Variants in SF3B3 observed in about 807,000 individuals in gnomAD.
SF3B3 encodes SAP 130.
In SF3B3, 33 loss-of-function variants were observed where a neutral mutation model predicts 139.2. That is an observed-to-expected ratio of 0.24 (90% confidence interval 0.18 to 0.32). The LOEUF (loss-of-function observed/expected upper bound fraction) is 0.32, where lower values mean the gene tolerates loss of function less well. Ranked by LOEUF, SF3B3 falls within the 10% of genes least tolerant of loss-of-function variation. SF3B3 has a pLI of 1.00. For synonymous variants in SF3B3, 596 were observed against 563.6 expected (o/e 1.06, Z -0.81); for missense variants, 818 against 1,509.4 (o/e 0.54, Z 7.59).
In SF3B3 at chr16:70,567,478, A is replaced by G; in HGVS notation, c.2894A>G (p.Lys965Arg). The G allele has an allele frequency of 6.2e-7, 1 of 1,613,990 alleles. No individual in the cohort carries two copies. Among genetic ancestry groups the G allele is most frequent in the South Asian group, 1.1e-5 (1 of 91,064 alleles). The change falls in exon 21 of 26, where the codon AAG (lysine) becomes AGG (arginine). Residue 965 changes from lysine (K) to arginine (R), a missense_variant. Coordinates refer to ENST00000302516, the MANE Select transcript of SF3B3 (RefSeq NM_012426.5). The stretch of plus-strand genomic sequence containing the variant: ...GGGAGGGTGTTGATTGGTGTGGGGA[A>G]GCTGTTGCGTGTCTATGACCTGGGA... The part of the protein sequence containing the change: ...FQGRVLIGVG[K>R]LLRVYDLGKK...
chr16:70,554,696 TC>T, intron 12 of SF3B3, 99 bp downstream of exon 12: 1 of 1,247,690 alleles, frequency 8.0e-7, no homozygotes, highest in Non-Finnish European at 1.1e-6. Flanking sequence ...ACCCTCACCT[TC>T]CAGCAAGCCT....
chr16:70,554,467 T>C lies in SF3B3; in HGVS notation c.1424T>C (p.Ile475Thr). 6.2e-7 allele frequency: 1 copy of C among 1,614,232 alleles called. No individual in the cohort carries two copies. The highest frequency in any genetic ancestry group is 1.1e-5 in the South Asian group (1 of 91,082). The change falls in exon 12 of 26, where the codon ATT (isoleucine) becomes ACT (threonine). Residue 475 changes from isoleucine to threonine, a missense_variant. Physicochemically the swap from Ile to Thr is moderately conservative, Grantham distance 89. Around this residue, in one of 14 missense-constraint regions of SF3B3, gnomAD observed 31 missense variants for 77.3 expected, o/e 0.40. Transcript: ENST00000302516. ...TCAGATGAGTTTGATGCCTACATCATTGTGTCTTTCGTGAATGCCACCCTA... is the reference window on the plus strand; with the variant it reads ...TCAGATGAGTTTGATGCCTACATCACTGTGTCTTTCGTGAATGCCACCCTA... ...HIEDEFDAYI[I>T]VSFVNATLVL... is the part of the protein sequence containing the mutation.
chr16:70,542,681 G>A (rs2050230406), intron 9 of SF3B3, among the ~76,000 whole-genome samples: 1 of 151,736 alleles, frequency 6.6e-6, no homozygotes, highest in South Asian at 2.1e-4. Flanking sequence ...AGTCTTGAGG[G>A]CAACAGAAAA....
chr16:70,538,798 TG>T (rs751036141), intron 7 of SF3B3, among the ~76,000 whole-genome samples: 4 of 152,232 alleles, frequency 2.6e-5, no homozygotes, highest in Non-Finnish European at 5.9e-5. Context: ...TGTGAGTTGT[TG>T]GGCAATTTCT....
At chr16:70,554,876 A>G (rs1055640865) in intron 12 of SF3B3, among the ~76,000 whole-genome samples, 175 bp from the exon 13 acceptor site, 1 of 152,212 alleles carries the variant, frequency 6.6e-6, no homozygotes, top group Admixed American at 6.5e-5. Flanking sequence ...AACATGAACT[A>G]TTTAAAAGTT....
chr16:70,524,338 A>G (rs1387365995), intron 1 of SF3B3, among the ~76,000 whole-genome samples: 1 of 152,098 alleles, frequency 6.6e-6, no homozygotes, highest in African/African-American at 2.4e-5. Context: ...TTGAATTTGT[A>G]TTTTGGTAGT....
chr16:70,543,022 C>A (rs2050234405), intron 9 of SF3B3, among the ~76,000 whole-genome samples: 2 of 152,100 alleles, frequency 1.3e-5, no homozygotes, highest in Admixed American at 1.3e-4. Context: ...CACGCCCGGC[C>A]AAGTGTGACT....
At chr16:70,538,982 G>T in intron 7 of SF3B3, 122 bp from the exon 8 acceptor site, 1 of 739,738 alleles carries the variant, frequency 1.4e-6, no homozygotes, top group Non-Finnish European at 2.4e-6. Context: ...ATGAGCCGGA[G>T]TTTGTTGACC....
In SF3B3 at chr16:70,556,881, C is replaced by G; in HGVS notation, c.1867-5C>G. The G allele has an allele frequency of 6.2e-7, 1 of 1,614,068 alleles. No homozygotes were observed. Among genetic ancestry groups the G allele is most frequent in the Non-Finnish European group, 8.5e-7 (1 of 1,179,976 alleles). On this transcript the variant is annotated splice_region_variant and splice_polypyrimidine_tract_variant and intron_variant, in intron 14 of 25. Transcript: ENST00000302516. ...GTGTTTTTATGATTTTTCTCTCCCT[C>G]TCAGGACTGTTTGCAACCTCTAAGC... is the stretch of plus-strand genomic sequence containing the variant.
At chr16:70,532,252 A>C (rs1001770557) in intron 4 of SF3B3, among the ~76,000 whole-genome samples, 1 of 150,578 alleles carries the variant, frequency 6.6e-6, no homozygotes, top group African/African-American at 2.5e-5. Context: ...AGATCGTGCC[A>C]TTGCACTCCA....
chr16:70,527,967 A>T (rs2050080722), intron 2 of SF3B3, among the ~76,000 whole-genome samples: 1 of 151,608 alleles, frequency 6.6e-6, no homozygotes, highest in Non-Finnish European at 1.5e-5. Context: ...AGTAGAGATG[A>T]GGTTTCACCA....
intron 17 of SF3B3, 187 bp from the exon 18 acceptor site, chr16:70,563,689 G>C (rs2050450078): frequency 1.8e-6 from 1 of 562,396 alleles, no homozygotes; most frequent in Non-Finnish European, 3.2e-6. Context: ...AAATGGGAAG[G>C]CCCTTCCTGG....
In SF3B3 at chr16:70,556,227, G is replaced by A; in HGVS notation, c.1759G>A (p.Val587Met). ...AGAACGGAAGGAGATGTCAGCAGAT[G>A]TGGTGTGCATGAGTCTGGCCAATGT... ...YTERKEMSAD[V>M]VCMSLANVPP... Residue 587 changes from valine to methionine, a missense_variant, in exon 14 of 26, where the codon GTG becomes ATG. By Grantham distance (21) the Val-to-Met change is conservative. Around this residue, in one of 14 missense-constraint regions of SF3B3, gnomAD observed 170 missense variants for 353.0 expected, o/e 0.48. Transcript: ENST00000302516. The A allele has an allele frequency of 1.9e-6, 3 of 1,614,200 alleles. No individual in the cohort carries two copies. Among genetic ancestry groups the A allele is most frequent in the South Asian group, 1.1e-5 (1 of 91,086 alleles).
intron 22 of SF3B3, 119 bp from the exon 23 acceptor site, chr16:70,568,924 C>G: frequency 1.5e-6 from 1 of 653,184 alleles, no homozygotes; most frequent in South Asian, 2.0e-5. Context: ...TGGGCTCAGG[C>G]CTCTGTCTAG....
In SF3B3 at chr16:70,574,379, C is replaced by T. The variant is rs901788871; in HGVS notation, c.*2566C>T. On this transcript the variant is annotated 3_prime_UTR_variant, in exon 26 of 26. Transcript: ENST00000302516. ...TTAAACTTTTGTAGAGACAGGGTCT[C>T]CCTGTGTTGCCCAGGCTGGCCTCGA... The T allele has an allele frequency of 6.6e-6, 1 of 152,150 alleles. No homozygotes were observed. Among genetic ancestry groups the T allele is most frequent in the Admixed American group, 6.6e-5 (1 of 15,266 alleles). 9.4% of individuals were successfully genotyped at this position (152,150 alleles called of 1,614,324 possible). A position where few individuals can be genotyped will look rare whatever the true frequency, so the allele number is the denominator to read the frequency against.
intron 5 of SF3B3, among the ~76,000 whole-genome samples, chr16:70,533,423 C>T (rs2050139507): frequency 6.6e-6 from 1 of 151,998 alleles, no homozygotes; most frequent in Non-Finnish European, 1.5e-5. Flanking sequence ...AGTATGACTA[C>T]AGTATCAAAA....
rs373544960 is a variant in SF3B3, at chr16:70,571,653, C to T, written c.3514-20C>T. ...GGGCATCTCACCATTTTTTTTCTTT[C>T]TGCTTTCTCCATATCTTAGAATGTG... is the stretch of plus-strand genomic sequence containing the variant. On this transcript the variant is annotated intron_variant, in intron 25 of 25. Coordinates refer to ENST00000302516, the MANE Select transcript of SF3B3 (RefSeq NM_012426.5). 33 of 1,587,164 alleles carry T rather than the reference C, an allele frequency of 2.1e-5. No homozygotes were observed. Among genetic ancestry groups the T allele is most frequent in the Middle Eastern group, 1.7e-4 (1 of 5,916 alleles).
chr16:70,562,190 A>G (rs1049326501), intron 17 of SF3B3, among the ~76,000 whole-genome samples: 1 of 152,178 alleles, frequency 6.6e-6, no homozygotes, highest in Non-Finnish European at 1.5e-5. Flanking sequence ...GACCTTTTTC[A>G]AGTTGACAAA....
chr16:70,528,399 A>T (rs2050086103), intron 2 of SF3B3, among the ~76,000 whole-genome samples: 1 of 146,690 alleles, frequency 6.8e-6, no homozygotes, highest in Non-Finnish European at 1.5e-5. Flanking sequence ...TCCTGACCTC[A>T]AGTGATCTGC....
Sources: allele counts gnomAD v4.1 joint callset (sites outside exome capture counted in the v4.1 genomes callset), GRCh38; gene constraint gnomAD v4.1.1; regional missense constraint gnomAD v4.1.1; transcripts MANE v1.5; gene names NCBI Gene and HGNC (gene_info 2026-07-23, HGNC 2026-07-21).